CSNK1G1: variants seen among roughly 807,000 people sequenced by gnomAD.
CSNK1G1 encodes casein kinase I isoform gamma-1.
In CSNK1G1, 22 loss-of-function variants were observed where a neutral mutation model predicts 59.6. That is an observed-to-expected ratio of 0.37 (90% CI 0.26 to 0.53). The LOEUF is 0.53. Among genes scored for constraint, CSNK1G1 ranks in the 20% least tolerant of loss-of-function variants. CSNK1G1 has a pLI of 0.89. For missense variants in CSNK1G1, 384 were observed against 519.5 expected, an observed-to-expected ratio of 0.74 and a Z score of 2.54; for synonymous variants, 179 against 177.1, an observed-to-expected ratio of 1.01 and a Z score of -0.08.
intron 1 of CSNK1G1, among the ~76,000 whole-genome samples, chr15:64,324,280 GT>G (rs1896724393): frequency 6.6e-6 from 1 of 152,224 alleles, no homozygotes; most frequent in Admixed American, 6.5e-5. Context: ...GTTCCTGGGT[GT>G]TTCTGTGAGG....
intron 3 of CSNK1G1, among the ~76,000 whole-genome samples, chr15:64,255,721 G>A (rs1892339692): frequency 6.6e-6 from 1 of 152,072 alleles, no homozygotes. Flanking sequence ...GCTCTTTCCT[G>A]AATCCACTTG....
intron 6 of CSNK1G1, among the ~76,000 whole-genome samples, chr15:64,212,974 C>A (rs926591162): frequency 6.6e-6 from 1 of 152,038 alleles, no homozygotes; most frequent in Non-Finnish European, 1.5e-5. Context: ...CCACTGCACT[C>A]CAGCCTGGGT....
intron 4 of CSNK1G1, among the ~76,000 whole-genome samples, chr15:64,230,786 C>T (rs914606749): frequency 3.3e-5 from 5 of 151,986 alleles, no homozygotes; most frequent in Admixed American, 6.5e-5. Flanking sequence ...TCCTGGCTAA[C>T]ACGGTGAAAC....
intron 1 of CSNK1G1, among the ~76,000 whole-genome samples, chr15:64,328,849 AC>A (rs1482360754): frequency 1.4e-5 from 1 of 71,446 alleles, no homozygotes; most frequent in Non-Finnish European, 2.7e-5. Flanking sequence ...CAAATGGAAA[AC>A]AAAAAAAGGC....
chr15:64,303,232 C>T (rs1404296456), intron 1 of CSNK1G1, among the ~76,000 whole-genome samples: 1 of 146,896 alleles, frequency 6.8e-6, no homozygotes, highest in Non-Finnish European at 1.5e-5. Context: ...CACAGAAAGA[C>T]CCTGTCTCTA....
At chr15:64,193,892 G>C (rs2082005767) in intron 10 of CSNK1G1, 1 of 152,210 alleles carries the variant, frequency 6.6e-6, no homozygotes, top group Admixed American at 6.5e-5. Context: ...CCTACAAGGA[G>C]CTGGGTTAGA....
chr15:64,339,212 A>C (rs1228368828), intron 1 of CSNK1G1, among the ~76,000 whole-genome samples: 1 of 152,198 alleles, frequency 6.6e-6, no homozygotes, highest in East Asian at 1.9e-4. Flanking sequence ...TCATCTGCAA[A>C]TCTGCTGAAA....
intron 4 of CSNK1G1, among the ~76,000 whole-genome samples, chr15:64,236,572 A>C (rs2082619670): frequency 6.6e-6 from 1 of 152,214 alleles, no homozygotes; most frequent in African/African-American, 2.4e-5. Flanking sequence ...AAAGAAATGC[A>C]AATCAAAACC....
At chr15:64,263,822 C>CAAAAA (rs869123397) in intron 2 of CSNK1G1, among the ~76,000 whole-genome samples, 7 of 53,792 alleles carry the variant, frequency 1.3e-4, no homozygotes, top group East Asian at 6.3e-4. Flanking sequence ...TTTTGTTTAC[C>CAAAAA]AAAAAAAAAA....
chr15:64,287,106 T>G (rs1894469527), intron 2 of CSNK1G1, among the ~76,000 whole-genome samples: 1 of 152,194 alleles, frequency 6.6e-6, no homozygotes, highest in Non-Finnish European at 1.5e-5. Context: ...CAGTAACCGG[T>G]AAGACTACAT....
chr15:64,284,248 A>G (rs750394501), intron 2 of CSNK1G1, among the ~76,000 whole-genome samples: 4 of 152,204 alleles, frequency 2.6e-5, no homozygotes, highest in Non-Finnish European at 5.9e-5. Flanking sequence ...AATCCAAAGT[A>G]TGAGTCATCC....
At chr15:64,295,121 T>C (rs575817907) in intron 2 of CSNK1G1, among the ~76,000 whole-genome samples, 5 of 152,242 alleles carry the variant, frequency 3.3e-5, no homozygotes, top group East Asian at 1.9e-4. Context: ...GTCTCAGATA[T>C]GCATTTCTGC....
intron 6 of CSNK1G1, among the ~76,000 whole-genome samples, chr15:64,207,824 C>A (rs568699805): frequency 1.3e-5 from 2 of 152,150 alleles, no homozygotes; most frequent in African/African-American, 4.8e-5. Flanking sequence ...AGAGCAAATT[C>A]TGAATTAAAA....
chr15:64,203,380 T>C (rs184636673), intron 9 of CSNK1G1, among the ~76,000 whole-genome samples, 191 bp from the exon 10 acceptor site: 2 of 152,216 alleles, frequency 1.3e-5, no homozygotes, highest in African/African-American at 4.8e-5. Flanking sequence ...TAATAGTTCA[T>C]TGGAGAGTAG....
chr15:64,282,103 A>C (rs1006467549), intron 2 of CSNK1G1, among the ~76,000 whole-genome samples: 6 of 149,810 alleles, frequency 4.0e-5, no homozygotes, highest in Non-Finnish European at 8.9e-5. Context: ...TTTTTTTAAC[A>C]TTTTTTGTGG....
intron 6 of CSNK1G1, among the ~76,000 whole-genome samples, chr15:64,208,488 C>T (rs991991837): frequency 2.7e-4 from 41 of 152,270 alleles, no homozygotes; most frequent in African/African-American, 9.6e-4. Context: ...AGAAAACATC[C>T]TACACATTCT....
chr15:64,289,946 G>A (rs1376395616), intron 2 of CSNK1G1, among the ~76,000 whole-genome samples: 3 of 151,948 alleles, frequency 2.0e-5, no homozygotes, highest in Non-Finnish European at 4.4e-5. Context: ...ACCACAATAA[G>A]ATATAATTTT....
chr15:64,310,429 G>C (rs1393968062), intron 1 of CSNK1G1, among the ~76,000 whole-genome samples: 1 of 151,216 alleles, frequency 6.6e-6, no homozygotes, highest in Non-Finnish European at 1.5e-5. Flanking sequence ...AAAAAAAAAA[G>C]TTTAGCCTGG....
intron 4 of CSNK1G1, among the ~76,000 whole-genome samples, chr15:64,245,749 G>GGAA (rs1891716739): frequency 6.8e-6 from 1 of 147,174 alleles, no homozygotes; most frequent in South Asian, 2.1e-4. Flanking sequence ...TCCACAAAAA[G>GGAA]GAAAAAAAAA....
Sources: allele counts gnomAD v4.1 joint callset (sites outside exome capture counted in the v4.1 genomes callset), GRCh38; gene constraint gnomAD v4.1.1; transcripts MANE v1.5; gene names NCBI Gene and HGNC (gene_info 2026-07-23, HGNC 2026-07-21).